The following PCDH15 variants were observed in gnomAD, a reference collection of about 807,000 sequenced individuals.
The protein encoded by PCDH15 is protocadherin related 15, also known as protocadherin-15.
PCDH15 carries 129 observed loss-of-function variants against 178.5 expected under a neutral mutation model. The observed-to-expected ratio is 0.72, with a 90% CI of 0.63 to 0.84. PCDH15 has a LOEUF of 0.84. Ranked by LOEUF, PCDH15 falls within the 40% of genes least tolerant of loss-of-function variation. The pLI is 0.00. For synonymous variants in PCDH15, 800 were observed against 732.0 expected (o/e 1.09, Z -1.50); for missense variants, 2,230 against 2,099.9 (o/e 1.06, Z -1.21).
chr10:55,234,532 T>G (rs1051659062), intron 1 of PCDH15, among the ~76,000 whole-genome samples: 1 of 151,712 alleles, frequency 6.6e-6, no homozygotes, highest in African/African-American at 2.4e-5. Context: ...GCCTCCCAAC[T>G]AATTTTTTTG....
intron 1 of PCDH15, among the ~76,000 whole-genome samples, chr10:55,231,060 TGTGATATATAGACAATGAG>T (rs1364992620): frequency 6.6e-6 from 1 of 152,024 alleles, no homozygotes; most frequent in African/African-American, 2.4e-5. Context: ...ATTCAATATT[TGTGATATATAGACAATGAG>T]GTGAAGAATA....
chr10:54,375,790 AAT>A (rs202019333), intron 4 of PCDH15, among the ~76,000 whole-genome samples: 4,088 of 114,208 alleles, frequency 0.036, 185 homozygotes, highest in African/African-American at 0.099. Flanking sequence ...TTTGAAATGG[AAT>A]ATATATATAT....
intron 2 of PCDH15, among the ~76,000 whole-genome samples, chr10:54,580,131 C>T (rs909860374): frequency 2.0e-5 from 3 of 151,894 alleles, no homozygotes; most frequent in Non-Finnish European, 4.4e-5. Context: ...CAGAGCAGAA[C>T]TGAATGAAGT....
chr10:55,073,128 T>C (rs1463082215), intron 2 of PCDH15, among the ~76,000 whole-genome samples: 5 of 151,626 alleles, frequency 3.3e-5, no homozygotes, highest in African/African-American at 9.7e-5. Context: ...TATGACAAAC[T>C]CACAGCCAAT....
At chr10:54,449,740 A>G (rs117595114) in intron 3 of PCDH15, among the ~76,000 whole-genome samples, 6,442 of 151,940 alleles carry the variant, frequency 0.042, 168 homozygotes, top group Non-Finnish European at 0.07. Flanking sequence ...AAATGGATTT[A>G]AAATATATGA....
intron 3 of PCDH15, among the ~76,000 whole-genome samples, chr10:54,522,717 T>C (rs1400265800): frequency 2.0e-5 from 3 of 152,186 alleles, no homozygotes; most frequent in African/African-American, 4.8e-5. Flanking sequence ...TCAATAATCA[T>C]ACCTTGAAGA....
intron 3 of PCDH15, among the ~76,000 whole-genome samples, chr10:54,424,995 A>G (rs1589342323): frequency 1.3e-5 from 2 of 149,594 alleles, no homozygotes; most frequent in East Asian, 2.0e-4. Flanking sequence ...GTACCCTAGA[A>G]CTTAAAGTAT....
intron 7 of PCDH15, among the ~76,000 whole-genome samples, chr10:54,319,128 G>T (rs1176649504): frequency 2.0e-5 from 3 of 152,118 alleles, no homozygotes; most frequent in African/African-American, 7.2e-5. Context: ...ATCTGGAAAT[G>T]TTTTTACTTT....
chr10:53,981,095 C>A (rs1020051164), intron 21 of PCDH15, among the ~76,000 whole-genome samples: 1 of 151,994 alleles, frequency 6.6e-6, no homozygotes, highest in African/African-American at 2.4e-5. Context: ...ATTGGTGATG[C>A]TCACATTAGA....
chr10:55,054,976 G>T (rs561764545), intron 2 of PCDH15, among the ~76,000 whole-genome samples: 1 of 152,234 alleles, frequency 6.6e-6, no homozygotes, highest in Admixed American at 6.5e-5. Context: ...GTCTGTTTAT[G>T]TTGTTGAGAG....
intron 8 of PCDH15, among the ~76,000 whole-genome samples, chr10:54,281,808 C>T (rs2058720644): frequency 6.6e-6 from 1 of 151,868 alleles, no homozygotes; most frequent in African/African-American, 2.4e-5. Flanking sequence ...TAACTCTTGC[C>T]CATGCCAGCC....
chr10:55,385,991 A>G (rs1162879314), intron 2 of PCDH15, among the ~76,000 whole-genome samples: 1 of 151,744 alleles, frequency 6.6e-6, no homozygotes, highest in Non-Finnish European at 1.5e-5. Flanking sequence ...TGTAAAGTGG[A>G]GGGTAAAATA....
intron 2 of PCDH15, among the ~76,000 whole-genome samples, chr10:54,907,978 C>T (rs543491604): frequency 1.3e-5 from 2 of 152,270 alleles, no homozygotes; most frequent in Non-Finnish European, 2.9e-5. Context: ...ACAGAATATT[C>T]TGCTGGGAGA....
At chr10:55,323,006 C>T (rs965486879), upstream of PCDH15, among the ~76,000 whole-genome samples, 7 of 152,072 alleles carry the variant, frequency 4.6e-5, no homozygotes, top group Non-Finnish European at 1.0e-4. Flanking sequence ...CCAGACAAGT[C>T]GCCCTGTGTC....
intron 32 of PCDH15, 127 bp from the exon 33 acceptor site, chr10:53,820,357 G>T (rs1320037742): frequency 2.6e-6 from 1 of 390,044 alleles, no homozygotes; most frequent in Admixed American, 4.4e-5. Flanking sequence ...TTTACAGATT[G>T]TTTTCTGTCT....
At chr10:53,962,326 C>T (rs896236031) in intron 21 of PCDH15, among the ~76,000 whole-genome samples, 18 of 152,124 alleles carry the variant, frequency 1.2e-4, no homozygotes, top group Admixed American at 1.3e-4. Flanking sequence ...TCCTATCCCA[C>T]TTTAGCCTCC....
At chr10:54,480,663 C>T (rs1258264853) in intron 3 of PCDH15, among the ~76,000 whole-genome samples, 1 of 151,718 alleles carries the variant, frequency 6.6e-6, no homozygotes, top group Non-Finnish European at 1.5e-5. Context: ...TGTATTTATC[C>T]CCATTATTAA....
chr10:55,153,715 C>T lies in PCDH15; in HGVS notation c.-80+12861G>A, dbSNP rs75051278. On this transcript the variant is annotated intron_variant, in intron 2 of 5. Coordinates refer to the PCDH15 transcript ENST00000458638. ...CCTTTTTCATTTGTCTTCCACAAAA[C>T]CAGTTTCATGTAGTGAAAAGAACAT... 7.6e-3 allele frequency among the ~76,000 whole-genome samples: 1,155 copies of T among 152,212 alleles called. 16 individuals are homozygous for T. Among genetic ancestry groups the T allele is most frequent in the African/African-American group, 0.024 (1,009 of 41,528 alleles).
At chr10:54,333,003 G>A (rs534228386) in intron 6 of PCDH15, among the ~76,000 whole-genome samples, 2 of 152,058 alleles carry the variant, frequency 1.3e-5, no homozygotes, top group Non-Finnish European at 2.9e-5. Context: ...GAGTGCAGTG[G>A]TGCAATCTCA....
Sources: allele counts gnomAD v4.1 joint callset (sites outside exome capture counted in the v4.1 genomes callset), GRCh38; gene constraint gnomAD v4.1.1; transcripts MANE v1.5; gene names NCBI Gene and HGNC (gene_info 2026-07-23, HGNC 2026-07-21).